The following ELOVL5 variants were observed in gnomAD, a reference collection of about 807,000 sequenced individuals.
The protein encoded by ELOVL5 is very long chain fatty acid elongase 5.
Under a neutral mutation model 38.6 loss-of-function variants are expected in ELOVL5, and 8 were observed. The ratio of observed to expected loss-of-function variants is 0.21; its 90% CI spans 0.12 to 0.37. ELOVL5 has a LOEUF of 0.37. ELOVL5 is among the 10% of genes least tolerant of loss of function. ELOVL5 has a pLI of 1.00. For missense variants in ELOVL5, 280 were observed against 367.8 expected (o/e 0.76, Z 1.95); for synonymous variants, 127 against 133.7 (o/e 0.95, Z 0.34).
intron 3 of ELOVL5, among the ~76,000 whole-genome samples, chr6:53,279,708 GA>G (rs1766284932): frequency 6.6e-6 from 1 of 152,162 alleles, no homozygotes; most frequent in Non-Finnish European, 1.5e-5. Context: ...ATATTCATCT[GA>G]ACTCTGTTCA....
rs530032109 is a variant in ELOVL5, at chr6:53,271,191, T to C, written c.622-464A>G. Among the ~76,000 whole-genome samples, 7 of 152,320 alleles carry C rather than the reference T, an allele frequency of 4.6e-5. No individual in the cohort carries two copies. The South Asian group carries it at 1.4e-3, about 32-fold the overall frequency. ...AAACAACACTAAGTGCATTGATTAA[T>C]TTTGATGAATAAACCTTGAAACGCA... On this transcript the variant is annotated intron_variant, in intron 6 of 7. Transcript: ENST00000304434.
chr6:53,294,070 TACAC>T (rs1766881501), intron 2 of ELOVL5: 2 of 1,336,252 alleles, frequency 1.5e-6, no homozygotes, highest in African/African-American at 2.9e-5. Flanking sequence ...AAACAATAAA[TACAC>T]ACAAATCTCC....
intron 6 of ELOVL5, 68 bp from the exon 7 acceptor site, chr6:53,270,795 T>C: frequency 6.3e-7 from 1 of 1,576,418 alleles, no homozygotes. Flanking sequence ...CCAGGCAGAC[T>C]TTTTAACCAG....
chr6:53,297,148 TGAAGGCACCAGCTCCCC>T (rs1267715354), intron 1 of ELOVL5, among the ~76,000 whole-genome samples: 18 of 151,986 alleles, frequency 1.2e-4, no homozygotes, highest in East Asian at 5.8e-4. Flanking sequence ...ACCAGCTCCC[TGAAGGCACCAGCTCCCC>T]GAAGGCACCA....
rs181788388 is a variant in ELOVL5 at position 53,317,633 on chromosome 6, G to A, written c.-8-21926C>T. Among the ~76,000 whole-genome samples the A allele has an allele frequency of 5.3e-5, 8 of 151,964 alleles. No individual in the cohort carries two copies. The East Asian group carries it at 7.7e-4, about 15-fold the overall frequency. On this transcript the variant is annotated intron_variant, in intron 1 of 7. Transcript: ENST00000304434. ...CATAGGAAGGGGAGCGTCACACCAC[G>A]GGGACTGTTGTGGGGTCGGGGGAGG...
chr6:53,279,115 G>A (rs1022520854), intron 3 of ELOVL5, among the ~76,000 whole-genome samples: 1 of 152,152 alleles, frequency 6.6e-6, no homozygotes, highest in Admixed American at 6.5e-5. Flanking sequence ...CTTAGCTAAG[G>A]TATTCCAACA....
intron 1 of ELOVL5, among the ~76,000 whole-genome samples, chr6:53,336,235 A>T (rs540098346): frequency 6.6e-6 from 1 of 152,288 alleles, no homozygotes; most frequent in South Asian, 2.1e-4. Context: ...CAGACAAATG[A>T]CCAACACTGA....
chr6:53,270,449 A>G (rs1467399674), intron 7 of ELOVL5, 144 bp downstream of exon 7: 2 of 804,820 alleles, frequency 2.5e-6, no homozygotes, highest in Non-Finnish European at 3.9e-6. Context: ...CCCCAGAGGC[A>G]GGGGCTGCTC....
intron 1 of ELOVL5, among the ~76,000 whole-genome samples, chr6:53,348,434 C>G (rs1478391325): frequency 6.6e-6 from 1 of 152,080 alleles, no homozygotes; most frequent in Non-Finnish European, 1.5e-5. Context: ...GCCCGCAGGG[C>G]GGGAGGACCC....
intron 1 of ELOVL5, among the ~76,000 whole-genome samples, chr6:53,342,933 A>C (rs896720383): frequency 7.2e-5 from 11 of 152,194 alleles, no homozygotes; most frequent in African/African-American, 2.4e-4. Context: ...CAGAGACTAC[A>C]CAATTCTAAA....
intron 3 of ELOVL5, among the ~76,000 whole-genome samples, chr6:53,284,720 C>T (rs1324564432): frequency 2.6e-5 from 4 of 152,166 alleles, no homozygotes; most frequent in African/African-American, 7.2e-5. Flanking sequence ...TACAACAGCA[C>T]GTGTTCACTA....
rs118031635 is a variant in ELOVL5, at chr6:53,339,052, G to A, written c.-9+9765C>T. ...TTCTTTTTTAAAACTCAATCTACAC[G>A]CCCACATTTTATAACTGTTGTTTGG... is the stretch of plus-strand genomic sequence containing the variant. On this transcript the variant is annotated intron_variant, in intron 1 of 7. Transcript: ENST00000304434. Among the ~76,000 whole-genome samples the A allele has an allele frequency of 1.8e-3, 270 of 152,208 alleles. 1 individual carries two copies. The highest frequency in any genetic ancestry group is 0.012 in the East Asian group (63 of 5,174).
At chr6:53,273,116 G>A (rs915895962) in intron 6 of ELOVL5, 104 bp downstream of exon 6, 1 of 1,209,736 alleles carries the variant, frequency 8.3e-7, no homozygotes, top group Non-Finnish European at 1.2e-6. Context: ...AATGAAAAAG[G>A]GTGGAGAAGG....
chr6:53,335,171 G>A (rs1335415931), intron 1 of ELOVL5, among the ~76,000 whole-genome samples: 1 of 152,100 alleles, frequency 6.6e-6, no homozygotes, highest in East Asian at 1.9e-4. Context: ...AACCAGATTA[G>A]TACACTCTCT....
intron 1 of ELOVL5, chr6:53,337,260 G>C (rs901458021): frequency 1.3e-5 from 2 of 152,212 alleles, no homozygotes; most frequent in African/African-American, 4.8e-5. Flanking sequence ...GGGGCCCCTC[G>C]TTCATCCTGA....
In ELOVL5 at chr6:53,315,764, G is replaced by C. The variant is rs148296248; in HGVS notation, c.-8-20057C>G. Among the ~76,000 whole-genome samples the C allele has an allele frequency of 2.0e-3, 309 of 152,264 alleles. 2 individuals carry two copies. The highest frequency in any genetic ancestry group is 7.2e-3 in the African/African-American group (299 of 41,546). On this transcript the variant is annotated intron_variant, in intron 1 of 7. Coordinates refer to ENST00000304434, the MANE Select transcript of ELOVL5 (RefSeq NM_021814.5). Reference sequence around the variant, plus strand: ...TTACAGGGTCGCCCAAATCCCAGTAGTCCCCAAGTTAAAAACCCTAGCTGT... The same window carrying C: ...TTACAGGGTCGCCCAAATCCCAGTACTCCCCAAGTTAAAAACCCTAGCTGT...
chr6:53,339,077 G>A (rs2127594181), intron 1 of ELOVL5, among the ~76,000 whole-genome samples: 1 of 152,230 alleles, frequency 6.6e-6, no homozygotes, highest in Middle Eastern at 3.4e-3. Context: ...CTGTTGTTTG[G>A]GTGTGAGGGT....
intron 3 of ELOVL5, among the ~76,000 whole-genome samples, chr6:53,280,831 G>A (rs1327760416): frequency 2.6e-5 from 4 of 152,184 alleles, no homozygotes; most frequent in Admixed American, 6.5e-5. Context: ...CTGAGCTCCA[G>A]TGATCTGCTT....
rs970434701 is a variant in ELOVL5 at position 53,348,871 on chromosome 6, G to T, written c.-63C>A. 2.2e-6 allele frequency: 1 copy of T among 457,164 alleles called. No homozygotes were observed. The highest frequency in any genetic ancestry group is 4.4e-6 in the Non-Finnish European group (1 of 227,448). 28.3% of individuals were successfully genotyped at this position (457,164 alleles called of 1,614,324 possible). ...GAGCAGCAGCAAGGCGGCGGCGGCG[G>T]AGGGAGCGCGGGTGGCAGCCGGCGC... On this transcript the variant is annotated 5_prime_UTR_variant, in exon 1 of 8. Transcript: ENST00000304434.
Sources: allele counts gnomAD v4.1 joint callset (sites outside exome capture counted in the v4.1 genomes callset), GRCh38; gene constraint gnomAD v4.1.1; transcripts MANE v1.5; gene names NCBI Gene and HGNC (gene_info 2026-07-23, HGNC 2026-07-21).